The following NCLN variants were observed in gnomAD, a reference collection of about 807,000 sequenced individuals.
The protein encoded by NCLN is nicalin.
NCLN carries 34 observed loss-of-function variants against 69.5 expected under a neutral mutation model. The observed-to-expected ratio is 0.49, with a 90% CI of 0.37 to 0.65. The LOEUF (loss-of-function observed/expected upper bound fraction) is 0.65. Ranked by LOEUF, NCLN falls within the 30% of genes least tolerant of loss-of-function variation. The pLI is 0.00. For missense variants in NCLN, 710 were observed against 804.8 expected (o/e 0.88, Z 1.42); for synonymous variants, 393 against 358.3 (o/e 1.10, Z -1.09).
chr19:3,194,094 C>T (rs898431753), intron 3 of NCLN, among the ~76,000 whole-genome samples: 2 of 152,208 alleles, frequency 1.3e-5, no homozygotes, highest in Non-Finnish European at 2.9e-5. Flanking sequence ...CCTGGCCCAG[C>T]CCCAACAAAA....
At chr19:3,197,991 T>C (rs558688648) in intron 4 of NCLN, among the ~76,000 whole-genome samples, 1 of 152,342 alleles carries the variant, frequency 6.6e-6, no homozygotes, top group South Asian at 2.1e-4. Context: ...GTTTCTTAGT[T>C]GTAACAGACA....
Position 3,201,542 on chromosome 19 carries a change from A to C in NCLN, c.716A>C (p.Asp239Ala). 1 of 1,561,174 alleles carries C rather than the reference A, an allele frequency of 6.4e-7. No individual in the cohort carries two copies. The highest frequency in any genetic ancestry group is 8.6e-7 in the Non-Finnish European group (1 of 1,160,400). Reference protein sequence around the residue: ...GVAPWLSLGADSNGSGVSVLL... With the variant: ...GVAPWLSLGAASNGSGVSVLL... ...CTGTAGTGGCTGTCGCTGGGCGCGG[A>C]CTCCAACGGGAGCGGCGTCTCTGTG... The change falls in exon 6 of 15, where the codon GAC becomes GCC. Residue 239 changes from aspartate to alanine, a missense_variant. By Grantham distance (126) the Asp-to-Ala change is moderately radical. Transcript: ENST00000246117.
chr19:3,190,049 G>T (rs943235572), intron 1 of NCLN, among the ~76,000 whole-genome samples: 4 of 152,224 alleles, frequency 2.6e-5, no homozygotes, highest in Non-Finnish European at 4.4e-5. Context: ...GAGAACGGGG[G>T]TGCCTGCCAG....
Position 3,207,218 on chromosome 19 carries a change from A to G in NCLN, c.1520A>G (p.Tyr507Cys), listed in dbSNP as rs781389446. Residue 507 changes from tyrosine to cysteine, a missense_variant, in exon 13 of 15, where the codon TAC becomes TGC. Coordinates refer to ENST00000246117, the MANE Select transcript of NCLN (RefSeq NM_020170.4). ...ADKRDPEFVFYDQLKQVMNAY... is the reference protein window; with the variant it reads ...ADKRDPEFVFCDQLKQVMNAY... The stretch of plus-strand genomic sequence containing the variant: ...CCCAGGGACCCAGAGTTTGTCTTCT[A>G]CGACCAGCTGAAGCAAGTGATGAAT... The G allele has an allele frequency of 6.2e-7, 1 of 1,613,776 alleles. No homozygotes were observed. The highest frequency in any genetic ancestry group is 8.5e-7 in the Non-Finnish European group (1 of 1,180,016).
intron 3 of NCLN, among the ~76,000 whole-genome samples, chr19:3,194,121 G>A (rs769361298): frequency 1.6e-4 from 25 of 152,236 alleles, no homozygotes; most frequent in Non-Finnish European, 3.2e-4. Context: ...TGGTGCTGTG[G>A]TTTCAAGCTA....
Position 3,204,111 on chromosome 19 carries a change from C to A in NCLN, c.996C>A (p.Thr332=). 1 of 1,522,002 alleles carries A rather than the reference C, an allele frequency of 6.6e-7. No individual in the cohort carries two copies. The allele number at this position is 1,522,002 out of a possible 1,614,324, so 94.3% of individuals were successfully genotyped here. The change falls in exon 8 of 15, where the codon ACC becomes ACA. Residue 332 remains threonine, a synonymous_variant. Transcript: ENST00000246117. ...LHVSKPPREG[T]LQHAFLRELE... is the part of the protein sequence containing the mutation. ...TGTCCAAGCCGCCTCGGGAGGGCAC[C>A]CTGCAGCACGCCTTCCTGCGGGAGC...
Position 3,195,176 on chromosome 19 carries a change from C to T in NCLN, c.521-1007C>T, listed in dbSNP as rs1346802210. 4.7e-5 allele frequency among the ~76,000 whole-genome samples: 5 copies of T among 106,224 alleles called. 1 individual carries two copies. In the South Asian group the frequency reaches 1.2e-3, roughly 26 times the overall value. The allele number at this position is 106,224 out of a possible 152,430, so 69.7% of individuals were successfully genotyped here. On this transcript the variant is annotated intron_variant, in intron 3 of 14. Coordinates refer to ENST00000246117, the MANE Select transcript of NCLN (RefSeq NM_020170.4). ...CAGCCCGGGTGACAGTACGATACTC[C>T]GACTTGAAAAAAAAAAAAATTACAG...
chr19:3,192,436 G>C, intron 1 of NCLN, 34 bp from the exon 2 acceptor site: 1 of 1,536,412 alleles, frequency 6.5e-7, no homozygotes, highest in Non-Finnish European at 8.7e-7. Context: ...CTGGCCACCC[G>C]CCGAGGCTCA....
intron 3 of NCLN, among the ~76,000 whole-genome samples, chr19:3,193,642 T>A (rs1599351104): frequency 6.6e-6 from 1 of 152,092 alleles, no homozygotes; most frequent in Non-Finnish European, 1.5e-5. Context: ...CAGCCGCCTG[T>A]CCCCCCTCCC....
At chr19:3,199,007 T>G (rs1916051817) in intron 5 of NCLN, 110 bp downstream of exon 5, 6 of 717,854 alleles carry the variant, frequency 8.4e-6, no homozygotes, top group Non-Finnish European at 6.1e-6. Flanking sequence ...TCAGCGGCTC[T>G]CCCTGTGACG....
chr19:3,189,561 G>A (rs776480101), intron 1 of NCLN, among the ~76,000 whole-genome samples: 6 of 152,250 alleles, frequency 3.9e-5, no homozygotes, highest in Admixed American at 1.3e-4. Context: ...CCACTGTTCA[G>A]GTCCAGTCCT....
At chr19:3,193,672 A>T in intron 3 of NCLN, among the ~76,000 whole-genome samples, 1 of 152,202 alleles carries the variant, frequency 6.6e-6, no homozygotes, top group Non-Finnish European at 1.5e-5. Flanking sequence ...CTCTGTGCAC[A>T]CGAAAGACCA....
Position 3,200,241 on chromosome 19 carries a change from G to A in NCLN, c.697-1282G>A, listed in dbSNP as rs570186450. On this transcript the variant is annotated intron_variant, in intron 5 of 14. Coordinates refer to ENST00000246117, the MANE Select transcript of NCLN (RefSeq NM_020170.4). The stretch of plus-strand genomic sequence containing the variant: ...TGGGATTACAGGCATGAGCCACCGC[G>A]CCCACTGCCTTTCTCTGTCCTCATT... 3.3e-5 allele frequency among the ~76,000 whole-genome samples: 5 copies of A among 151,922 alleles called. 1 individual carries two copies. The South Asian group carries it at 6.2e-4, about 19-fold the overall frequency.
intron 5 of NCLN, among the ~76,000 whole-genome samples, chr19:3,199,684 T>G (rs566122986): frequency 9.6e-5 from 12 of 125,112 alleles, no homozygotes; most frequent in South Asian, 5.7e-4. Context: ...GCACCCTGCC[T>G]CCTCCTTTTT....
chr19:3,203,976 C>G, intron 7 of NCLN, 29 bp from the exon 8 acceptor site: 1 of 1,545,164 alleles, frequency 6.5e-7, no homozygotes, highest in Admixed American at 2.0e-5. Context: ...TGGTCCCCAC[C>G]CACCCCGCCA....
At chr19:3,191,646 A>C (rs1915831023) in intron 1 of NCLN, among the ~76,000 whole-genome samples, 1 of 152,230 alleles carries the variant, frequency 6.6e-6, no homozygotes, top group African/African-American at 2.4e-5. Context: ...ACAGGAGTTG[A>C]ATCCAGCCTG....
At chr19:3,200,693 A>G (rs1916103552) in intron 5 of NCLN, among the ~76,000 whole-genome samples, 1 of 152,128 alleles carries the variant, frequency 6.6e-6, no homozygotes, top group South Asian at 2.1e-4. Context: ...CCAAAGTTGT[A>G]CGGTCTCCAC....
At chr19:3,194,686 T>C (rs975507944) in intron 3 of NCLN, among the ~76,000 whole-genome samples, 12 of 151,552 alleles carry the variant, frequency 7.9e-5, no homozygotes, top group African/African-American at 2.9e-4. Context: ...AATAGAAGAG[T>C]ATAGTTCTGC....
intron 2 of NCLN, 143 bp from the exon 3 acceptor site, chr19:3,193,141 A>T: frequency 1.3e-6 from 1 of 748,126 alleles, no homozygotes; most frequent in Non-Finnish European, 2.1e-6. Flanking sequence ...CCCTCCAGGG[A>T]CAGTCACTGG....
Sources: gnomAD v4.1 joint callset for allele counts (sites outside exome capture counted in the v4.1 genomes callset) on GRCh38, gnomAD v4.1.1 for gene constraint, MANE v1.5 for transcripts, NCBI Gene and HGNC (gene_info 2026-07-23, HGNC 2026-07-21) for gene names.